SMIM10L3: variants seen among roughly 807,000 people sequenced by gnomAD.
The protein encoded by SMIM10L3 is salivary gland specific protein SAGSIN1.
chr7:6,335,990 C>G, the SMIM10L3 span, among the ~76,000 whole-genome samples: 1 of 152,048 alleles, frequency 6.6e-6, no homozygotes, highest in Admixed American at 6.6e-5. Context: ...CTGGTCTACA[C>G]GGTGAAACCC....
the SMIM10L3 span, among the ~76,000 whole-genome samples, chr7:6,340,128 G>A: frequency 6.6e-6 from 1 of 150,950 alleles, no homozygotes; most frequent in South Asian, 2.1e-4. Flanking sequence ...CAGGTGATCC[G>A]CCCGCCTCGG....
the SMIM10L3 span, among the ~76,000 whole-genome samples, chr7:6,336,104 C>T: frequency 7.4e-5 from 11 of 148,602 alleles, no homozygotes; most frequent in East Asian, 2.0e-4. Context: ...ACCTGGGAGG[C>T]GGAGGTTACA....
chr7:6,345,493 G>T, the SMIM10L3 span, among the ~76,000 whole-genome samples: 1 of 152,040 alleles, frequency 6.6e-6, no homozygotes, highest in Non-Finnish European at 1.5e-5. Context: ...CCAGGCGAGT[G>T]GATACAGTAG....
chr7:6,332,486 A>G, the SMIM10L3 span, among the ~76,000 whole-genome samples: 1 of 152,110 alleles, frequency 6.6e-6, no homozygotes, highest in Non-Finnish European at 1.5e-5. Flanking sequence ...TGACACGTTA[A>G]ATGTAATTTT....
chr7:6,346,782 C>A, the SMIM10L3 span, among the ~76,000 whole-genome samples: 5 of 152,130 alleles, frequency 3.3e-5, no homozygotes, highest in Non-Finnish European at 5.9e-5. Flanking sequence ...GCTACTGGGA[C>A]AATCATACTT....
chr7:6,340,672 G>A, the SMIM10L3 span, among the ~76,000 whole-genome samples: 1 of 151,996 alleles, frequency 6.6e-6, no homozygotes. Flanking sequence ...GGCCGAGGCG[G>A]GCGGATCACG....
At chr7:6,348,753 C>A in the SMIM10L3 span, 5 of 400,882 alleles carry the variant, frequency 1.2e-5, no homozygotes, top group South Asian at 5.6e-4. Flanking sequence ...ACAGAGCCGC[C>A]GCCATATAGA....
the SMIM10L3 span, among the ~76,000 whole-genome samples, chr7:6,347,898 A>ATTC: frequency 6.9e-6 from 1 of 144,966 alleles, no homozygotes; most frequent in South Asian, 2.2e-4. Flanking sequence ...TATTATTATT[A>ATTC]TTATTATTAT....
the SMIM10L3 span, among the ~76,000 whole-genome samples, chr7:6,347,517 GAAA>G: frequency 6.9e-6 from 1 of 145,572 alleles, no homozygotes; most frequent in African/African-American, 2.5e-5. Flanking sequence ...CTGTCTCAGG[GAAA>G]AAAAAAAAAG....
chr7:6,341,012 T>C, the SMIM10L3 span, among the ~76,000 whole-genome samples: 2 of 133,650 alleles, frequency 1.5e-5, no homozygotes, highest in Admixed American at 1.6e-4. Context: ...GGTGTGGTGG[T>C]GGGAACCTAC....
the SMIM10L3 span, chr7:6,330,313 C>T: frequency 5.4e-6 from 8 of 1,487,608 alleles, no homozygotes; most frequent in African/African-American, 1.4e-5. Flanking sequence ...AGACTTAATG[C>T]GAAAGAAATC....
chr7:6,334,133 A>G, the SMIM10L3 span, among the ~76,000 whole-genome samples: 3 of 150,868 alleles, frequency 2.0e-5, no homozygotes. Context: ...AGCGTGAGCC[A>G]CCGCACCCAG....
chr7:6,333,310 G>A, the SMIM10L3 span, among the ~76,000 whole-genome samples: 1 of 152,132 alleles, frequency 6.6e-6, no homozygotes, highest in Admixed American at 6.6e-5. Flanking sequence ...ATTGGAGCCA[G>A]CCGAGAAGCT....
the SMIM10L3 span, chr7:6,348,804 C>T: frequency 7.6e-6 from 3 of 396,108 alleles, no homozygotes; most frequent in African/African-American, 6.2e-5. Context: ...CCTCTCCGCG[C>T]CGCGTCGCCC....
the SMIM10L3 span, among the ~76,000 whole-genome samples, chr7:6,337,358 G>C: frequency 8.5e-5 from 13 of 152,244 alleles, no homozygotes; most frequent in East Asian, 2.5e-3. Flanking sequence ...CTGACCTCAG[G>C]TGATCTACCC....
the SMIM10L3 span, among the ~76,000 whole-genome samples, chr7:6,343,112 T>G: frequency 5.3e-5 from 8 of 150,512 alleles, no homozygotes; most frequent in East Asian, 2.0e-4. Context: ...TGCAGTGGCT[T>G]ACACCTGTAA....
the SMIM10L3 span, among the ~76,000 whole-genome samples, chr7:6,335,191 T>C: frequency 2.6e-5 from 4 of 151,754 alleles, no homozygotes; most frequent in African/African-American, 9.7e-5. Flanking sequence ...GCCTCCCAAG[T>C]TGCTGGGATT....
At chr7:6,347,891 T>G in the SMIM10L3 span, among the ~76,000 whole-genome samples, 1 of 142,490 alleles carries the variant, frequency 7.0e-6, no homozygotes, top group East Asian at 2.1e-4. Flanking sequence ...CCTTTATTAT[T>G]ATTATTATTA....
the SMIM10L3 span, among the ~76,000 whole-genome samples, chr7:6,347,933 G>A: frequency 8.4e-6 from 1 of 119,710 alleles, no homozygotes; most frequent in Non-Finnish European, 1.8e-5. Context: ...TTATTGAGAT[G>A]GAGTTTCCCT....
Sources: allele counts gnomAD v4.1 joint callset (sites outside exome capture counted in the v4.1 genomes callset), GRCh38; gene constraint gnomAD v4.1.1; transcripts MANE v1.5; gene names NCBI Gene and HGNC (gene_info 2026-07-23, HGNC 2026-07-21).